The following SPECC1 variants were observed in gnomAD, a reference collection of about 807,000 sequenced individuals.
The protein encoded by SPECC1 is cytospin-B.
A neutral mutation model predicts 104.1 loss-of-function variants in SPECC1; 62 were observed. That is an observed-to-expected ratio of 0.60 (90% CI 0.49 to 0.74). The LOEUF is 0.74. Among genes scored for constraint, SPECC1 ranks in the 30% least tolerant of loss-of-function variants. The probability of loss-of-function intolerance (pLI) is 0.00; values close to 1 mark genes in which losing one functional copy is unlikely to be tolerated. For synonymous variants in SPECC1, 513 were observed against 501.6 expected, an observed-to-expected ratio of 1.02 and a Z score of -0.30; for missense variants, 1,306 against 1,310.5, an observed-to-expected ratio of 1.00 and a Z score of 0.05.
chr17:20,015,316 A>T (rs1439082031), intron 1 of SPECC1, among the ~76,000 whole-genome samples: 7 of 139,914 alleles, frequency 5.0e-5, no homozygotes, highest in Non-Finnish European at 9.5e-5. Flanking sequence ...TTTTTTTGAG[A>T]CAGAGTATTG....
intron 1 of SPECC1, among the ~76,000 whole-genome samples, chr17:20,019,938 AT>A (rs2152432411): frequency 6.6e-6 from 1 of 152,254 alleles, no homozygotes; most frequent in East Asian, 1.9e-4. Context: ...CTTCCACAAG[AT>A]TGGGAATTCC....
intron 1 of SPECC1, among the ~76,000 whole-genome samples, chr17:20,031,653 A>G (rs1361824601): frequency 6.6e-6 from 1 of 152,192 alleles, no homozygotes; most frequent in Non-Finnish European, 1.5e-5. Flanking sequence ...ATTCAACAAT[A>G]ACTCCACGTT....
At chr17:20,207,788 T>C (rs941390084) in intron 4 of SPECC1, among the ~76,000 whole-genome samples, 1 of 152,242 alleles carries the variant, frequency 6.6e-6, no homozygotes, top group East Asian at 1.9e-4. Flanking sequence ...ATGATTATGA[T>C]ATTTTGTCTT....
At chr17:20,020,125 G>A (rs1442154900) in intron 1 of SPECC1, among the ~76,000 whole-genome samples, 8 of 152,158 alleles carry the variant, frequency 5.3e-5, no homozygotes, top group Admixed American at 3.3e-4. Flanking sequence ...TCTGTGTTGA[G>A]GGTGGTGATA....
chr17:20,082,957 TGTTCGTTCGTTCGTTCGTTCGTTC>T (rs5819696), intron 1 of SPECC1, among the ~76,000 whole-genome samples: 4 of 147,638 alleles, frequency 2.7e-5, no homozygotes, highest in Non-Finnish European at 4.5e-5. Flanking sequence ...TGTCCTTTGG[TGTTCGTTCGTTCGTTCGTTCGTTC>T]GTTCGTTCGT....
At chr17:20,164,351 C>T (rs1446732055) in intron 3 of SPECC1, among the ~76,000 whole-genome samples, 1 of 151,590 alleles carries the variant, frequency 6.6e-6, no homozygotes, top group Non-Finnish European at 1.5e-5. Context: ...TTTTTTGGTG[C>T]AGACGGGGTC....
At chr17:20,039,140 C>A (rs573528371) in intron 1 of SPECC1, among the ~76,000 whole-genome samples, 2 of 152,196 alleles carry the variant, frequency 1.3e-5, no homozygotes, top group Non-Finnish European at 2.9e-5. Flanking sequence ...TCCAAGCCTT[C>A]GGCAATCACT....
intron 1 of SPECC1, among the ~76,000 whole-genome samples, chr17:20,050,095 G>A (rs1367354018): frequency 6.6e-6 from 1 of 152,310 alleles, no homozygotes; most frequent in South Asian, 2.1e-4. Flanking sequence ...GGGATTACAG[G>A]TGTGAGCCAC....
chr17:20,018,523 T>C (rs1479491088), intron 1 of SPECC1, among the ~76,000 whole-genome samples: 2 of 152,250 alleles, frequency 1.3e-5, no homozygotes, highest in African/African-American at 4.8e-5. Flanking sequence ...CCCAAAGCGC[T>C]GAGATTACCG....
At chr17:20,094,126 A>G (rs1185721778) in intron 1 of SPECC1, among the ~76,000 whole-genome samples, 2 of 152,122 alleles carry the variant, frequency 1.3e-5, no homozygotes, top group African/African-American at 2.4e-5. Flanking sequence ...CAGGAAAACA[A>G]TGATGGGAAT....
chr17:20,145,137 T>C (rs1052166405), intron 3 of SPECC1, among the ~76,000 whole-genome samples: 3 of 152,228 alleles, frequency 2.0e-5, no homozygotes, highest in Non-Finnish European at 4.4e-5. Flanking sequence ...CAGCTTCTAC[T>C]GGAGACAAAG....
intron 1 of SPECC1, among the ~76,000 whole-genome samples, chr17:20,012,159 G>A (rs993948222): frequency 6.6e-6 from 1 of 152,050 alleles, no homozygotes; most frequent in East Asian, 1.9e-4. Flanking sequence ...CCACAGTGCT[G>A]AAAGAAAAAC....
chr17:20,040,454 T>A (rs1349138947), intron 1 of SPECC1, among the ~76,000 whole-genome samples: 1 of 152,216 alleles, frequency 6.6e-6, no homozygotes, highest in East Asian at 1.9e-4. Flanking sequence ...GATTCCTTCT[T>A]TCATCATTTT....
At chr17:20,226,925 G>A (rs2038246973) in intron 4 of SPECC1, among the ~76,000 whole-genome samples, 1 of 152,168 alleles carries the variant, frequency 6.6e-6, no homozygotes, top group Admixed American at 6.5e-5. Context: ...TCACAGCTCA[G>A]CAGCAGAGGG....
Position 20,051,133 on chromosome 17 carries a change from TTTCTTTCC to T in SPECC1, c.-22+41749_-22+41756del, listed in dbSNP as rs11268344. Reference sequence around the variant, plus strand: ...CTTTCTTTCTTTCTTTCTTTCTTTCTTTCTTTCCTTCTTTCCTTCTTTCCTTCTTTCCT... The same window carrying T: ...CTTTCTTTCTTTCTTTCTTTCTTTCTTTCTTTCCTTCTTTCCTTCTTTCCT... On this transcript the variant is annotated intron_variant, in intron 1 of 14. Coordinates refer to ENST00000395527, the MANE Select transcript of SPECC1 (RefSeq NM_001243439.2). Among the ~76,000 whole-genome samples, 286 of 40,816 alleles carry T rather than the reference TTTCTTTCC, an allele frequency of 7.0e-3. 13 individuals carry two copies. Among genetic ancestry groups the T allele is most frequent in the South Asian group, 0.017 (20 of 1,152 alleles). 26.8% of individuals were successfully genotyped at this position (40,816 alleles called of 152,430 possible).
At chr17:20,264,007 T>C (rs1277077145) in intron 12 of SPECC1, among the ~76,000 whole-genome samples, 1 of 152,182 alleles carries the variant, frequency 6.6e-6, no homozygotes, top group Non-Finnish European at 1.5e-5. Context: ...TCTGTAAAAT[T>C]AGAAATATGA....
In SPECC1 at chr17:20,212,423, G is replaced by A. The variant is rs565720565; in HGVS notation, c.1863+6511G>A. Among the ~76,000 whole-genome samples, 6 of 152,330 alleles carry A rather than the reference G, an allele frequency of 3.9e-5. No individual in the cohort carries two copies. The East Asian group carries it at 1.2e-3, about 29-fold the overall frequency. ...TTAATGAACTTAACAGTTCCACTTGGCTGGGGATGCCTCACAATCATGGTG... is the reference window on the plus strand; with the variant it reads ...TTAATGAACTTAACAGTTCCACTTGACTGGGGATGCCTCACAATCATGGTG... On this transcript the variant is annotated intron_variant, in intron 4 of 14. Coordinates refer to ENST00000395527, the MANE Select transcript of SPECC1 (RefSeq NM_001243439.2).
At chr17:20,041,424 T>G (rs1377536232) in intron 1 of SPECC1, among the ~76,000 whole-genome samples, 1 of 151,990 alleles carries the variant, frequency 6.6e-6, no homozygotes, top group Non-Finnish European at 1.5e-5. Context: ...GTATTTTTAG[T>G]AGAGACGGGG....
intron 12 of SPECC1, among the ~76,000 whole-genome samples, chr17:20,277,226 C>T (rs1263160348): frequency 6.6e-6 from 1 of 152,140 alleles, no homozygotes; most frequent in East Asian, 1.9e-4. Context: ...TTCTGCATGA[C>T]TGAGCCTCAC....
Sources: gnomAD v4.1 joint callset for allele counts (sites outside exome capture counted in the v4.1 genomes callset) on GRCh38, gnomAD v4.1.1 for gene constraint, MANE v1.5 for transcripts, NCBI Gene and HGNC (gene_info 2026-07-23, HGNC 2026-07-21) for gene names.